ERC1: variants seen among roughly 807,000 people sequenced by gnomAD.
The protein encoded by ERC1 is RAB6 interacting protein 2.
In ERC1, 56 loss-of-function variants were observed where a neutral mutation model predicts 132.0. The observed-to-expected ratio is 0.42, with a 90% CI of 0.34 to 0.53. ERC1 has a LOEUF of 0.53. ERC1 is among the 20% of genes least tolerant of loss of function. The probability of loss-of-function intolerance (pLI) is 0.03; values close to 1 mark genes in which losing one functional copy is unlikely to be tolerated. For missense variants in ERC1, 1,202 were observed against 1,349.9 expected, an observed-to-expected ratio of 0.89 and a Z score of 1.72; for synonymous variants, 478 against 476.1, an observed-to-expected ratio of 1.00 and a Z score of -0.05.
intron 8 of ERC1, among the ~76,000 whole-genome samples, chr12:1,155,871 A>AT (rs1951343070): frequency 6.7e-6 from 1 of 150,210 alleles, no homozygotes; most frequent in Non-Finnish European, 1.5e-5. Context: ...GGTAAAAAAA[A>AT]AATAAATAAA....
intron 13 of ERC1, among the ~76,000 whole-genome samples, chr12:1,247,719 G>A (rs548119728): frequency 9.8e-4 from 149 of 152,270 alleles, no homozygotes; most frequent in Non-Finnish European, 1.6e-3. Flanking sequence ...TGATCAGGCC[G>A]GGCACGGTGG....
At chr12:1,132,311 C>CTT (rs34439149) in intron 7 of ERC1, among the ~76,000 whole-genome samples, 141,956 of 152,132 alleles carry the variant, frequency 0.93, 66,994 homozygotes, top group East Asian at 1. Context: ...GGGGTATGGA[C>CTT]GGGCAGTTTC....
chr12:1,402,226 A>G (rs961953381), intron 16 of ERC1, among the ~76,000 whole-genome samples: 2 of 152,166 alleles, frequency 1.3e-5, no homozygotes, highest in African/African-American at 4.8e-5. Context: ...CTCTTAACAC[A>G]TATATAAAAT....
intron 14 of ERC1, among the ~76,000 whole-genome samples, chr12:1,272,505 A>G (rs1180212884): frequency 6.6e-6 from 1 of 152,222 alleles, no homozygotes; most frequent in African/African-American, 2.4e-5. Flanking sequence ...ATTTGCATCA[A>G]CTGAGAATAA....
At chr12:1,356,967 G>A (rs979733479) in intron 15 of ERC1, among the ~76,000 whole-genome samples, 15 of 152,212 alleles carry the variant, frequency 9.9e-5, no homozygotes, top group African/African-American at 3.1e-4. Flanking sequence ...CATCCATTTG[G>A]CCAACAAATG....
At chr12:1,408,986 GA>G (rs767094449) in intron 17 of ERC1, among the ~76,000 whole-genome samples, 19 of 148,070 alleles carry the variant, frequency 1.3e-4, no homozygotes, top group East Asian at 3.9e-4. Context: ...GTAGCTAAGG[GA>G]AAAAAAAAAC....
chr12:1,457,865 C>G (rs1158193548), intron 18 of ERC1, among the ~76,000 whole-genome samples: 1 of 152,036 alleles, frequency 6.6e-6, no homozygotes, highest in Non-Finnish European at 1.5e-5. Context: ...TGCCCTCCAG[C>G]CTGAGCCACA....
intron 2 of ERC1, among the ~76,000 whole-genome samples, chr12:1,043,883 T>C (rs762110249): frequency 3.8e-4 from 58 of 152,364 alleles, no homozygotes; most frequent in Non-Finnish European, 5.7e-4. Context: ...TTGCATAGTC[T>C]TTTGGTGTAG....
chr12:1,000,546 C>T (rs886617074), intron 1 of ERC1, among the ~76,000 whole-genome samples: 5 of 150,682 alleles, frequency 3.3e-5, no homozygotes, highest in African/African-American at 7.3e-5. Context: ...TTTGTGTGAA[C>T]TTAAATTAAG....
At chr12:1,164,451 T>G (rs1377263863) in intron 8 of ERC1, among the ~76,000 whole-genome samples, 1 of 152,100 alleles carries the variant, frequency 6.6e-6, no homozygotes, top group Admixed American at 6.6e-5. Flanking sequence ...CACACCATTC[T>G]CCTGCCTCAG....
intron 14 of ERC1, among the ~76,000 whole-genome samples, chr12:1,286,493 T>C (rs2079054425): frequency 1.3e-5 from 2 of 152,112 alleles, no homozygotes; most frequent in Admixed American, 1.3e-4. Flanking sequence ...ACACTACTTG[T>C]AGATAAAACT....
chr12:1,151,732 C>G (rs191633911), intron 8 of ERC1: 1 of 123,614 alleles, frequency 8.1e-6, no homozygotes, highest in Non-Finnish European at 1.6e-5. Flanking sequence ...AGTCCTGTTT[C>G]ATTTCACACA....
chr12:1,239,832 T>G (rs961768694), intron 13 of ERC1, among the ~76,000 whole-genome samples: 12 of 152,216 alleles, frequency 7.9e-5, no homozygotes, highest in Non-Finnish European at 1.8e-4. Flanking sequence ...CTCAAACTTG[T>G]GTGCGTTGGA....
chr12:1,220,053 T>A (rs1027868007), intron 12 of ERC1, among the ~76,000 whole-genome samples: 18 of 152,140 alleles, frequency 1.2e-4, no homozygotes, highest in Non-Finnish European at 2.5e-4. Context: ...ATCAGCTTTT[T>A]TGTTGTTGTT....
intron 15 of ERC1, among the ~76,000 whole-genome samples, chr12:1,296,197 G>T (rs1272193920): frequency 6.6e-6 from 1 of 151,942 alleles, no homozygotes; most frequent in Non-Finnish European, 1.5e-5. Flanking sequence ...GTGTGGTGGT[G>T]CACACCTATA....
chr12:1,007,460 TTCTC>T (rs72040785), intron 1 of ERC1, among the ~76,000 whole-genome samples: 30,349 of 134,144 alleles, frequency 0.23, 3,438 homozygotes, highest in African/African-American at 0.32. Flanking sequence ...GGGTAATTCA[TTCTC>T]TCTCTCTCTC....
At chr12:1,093,054 G>A (rs1236208320) in intron 3 of ERC1, among the ~76,000 whole-genome samples, 1 of 152,198 alleles carries the variant, frequency 6.6e-6, no homozygotes, top group African/African-American at 2.4e-5. Context: ...TACAACAGTG[G>A]TGTGTCTTAT....
chr12:1,258,315 T>G (rs985006669), intron 13 of ERC1, among the ~76,000 whole-genome samples: 2 of 152,240 alleles, frequency 1.3e-5, no homozygotes, highest in African/African-American at 2.4e-5. Flanking sequence ...TGGCTCTTAC[T>G]GTCTCATAGT....
chr12:1,044,382 C>T (rs77550109), intron 2 of ERC1, among the ~76,000 whole-genome samples: 312 of 152,284 alleles, frequency 2.0e-3, no homozygotes, highest in African/African-American at 7.3e-3. Flanking sequence ...AAGTTGAGTG[C>T]TTCTGGGAAG....
Sources: allele counts gnomAD v4.1 joint callset (sites outside exome capture counted in the v4.1 genomes callset), GRCh38; gene constraint gnomAD v4.1.1; transcripts MANE v1.5; gene names NCBI Gene and HGNC (gene_info 2026-07-23, HGNC 2026-07-21).